Variants in MTHFD2L observed in about 807,000 individuals in gnomAD.
MTHFD2L encodes methylenetetrahydrofolate dehydrogenase (NADP+ dependent) 2 like, also known as bifunctional methylenetetrahydrofolate dehydrogenase/cyclohydrolase 2, mitochondrial.
In MTHFD2L, 29 loss-of-function variants were observed where a neutral mutation model predicts 34.9. That is an observed-to-expected ratio of 0.83 (90% CI 0.62 to 1.13). The LOEUF is 1.13. Ranked by LOEUF, MTHFD2L falls within the 50% of genes most tolerant of loss-of-function variation. The pLI, the probability that MTHFD2L is intolerant of heterozygous loss-of-function variation, is 0.00. For synonymous variants in MTHFD2L, 167 were observed against 155.7 expected, an observed-to-expected ratio of 1.07 and a Z score of -0.54; for missense variants, 481 against 446.5, an observed-to-expected ratio of 1.08 and a Z score of -0.70.
intron 3 of MTHFD2L, among the ~76,000 whole-genome samples, chr4:74,186,634 A>G (rs185622624): frequency 6.6e-6 from 1 of 152,154 alleles, no homozygotes; most frequent in Non-Finnish European, 1.5e-5. Context: ...AGATGGGGAA[A>G]ACCTATATAT....
At chr4:74,167,814 G>A (rs939353449) in intron 1 of MTHFD2L, among the ~76,000 whole-genome samples, 2 of 152,224 alleles carry the variant, frequency 1.3e-5, no homozygotes, top group African/African-American at 4.8e-5. Context: ...AGCTCATGCA[G>A]AAGTGTGTAA....
At chr4:74,247,698 G>T (rs1429601941) in intron 6 of MTHFD2L, among the ~76,000 whole-genome samples, 3 of 152,176 alleles carry the variant, frequency 2.0e-5, no homozygotes, top group African/African-American at 4.8e-5. Context: ...AAGGGATGTT[G>T]AATTTTGTCA....
chr4:74,141,808 A>G (rs1723287760), intron 1 of MTHFD2L, among the ~76,000 whole-genome samples: 1 of 152,202 alleles, frequency 6.6e-6, no homozygotes, highest in Non-Finnish European at 1.5e-5. Flanking sequence ...TGCCCCTAAA[A>G]AGAACTTGGA....
intron 6 of MTHFD2L, among the ~76,000 whole-genome samples, chr4:74,261,505 C>T (rs776812251): frequency 7.9e-5 from 12 of 151,852 alleles, no homozygotes; most frequent in Non-Finnish European, 1.6e-4. Flanking sequence ...CATGTTTTTG[C>T]GTGGGAGAAT....
In MTHFD2L at chr4:74,167,351, G is replaced by A. The variant is rs1024937689; in HGVS notation, c.144-7155G>A. ...GGAATAGGCGCCTACTTCTTCAAGCGATAGACAGCAATGAAAGGCCACAGG... is the reference window on the plus strand; with the variant it reads ...GGAATAGGCGCCTACTTCTTCAAGCAATAGACAGCAATGAAAGGCCACAGG... On this transcript the variant is annotated intron_variant, in intron 1 of 7. Transcript: ENST00000325278. Among the ~76,000 whole-genome samples the A allele has an allele frequency of 1.3e-4, 20 of 152,312 alleles. No individual in the cohort carries two copies. The East Asian group carries it at 1.3e-3, about 10-fold the overall frequency.
At chr4:74,156,004 T>G (rs887956337), upstream of MTHFD2L, among the ~76,000 whole-genome samples, 1 of 151,654 alleles carries the variant, frequency 6.6e-6, no homozygotes, top group African/African-American at 2.4e-5. Flanking sequence ...TATCTTATTT[T>G]TCTATGCAAG....
intron 3 of MTHFD2L, among the ~76,000 whole-genome samples, chr4:74,184,945 C>T (rs895952967): frequency 1.1e-4 from 16 of 151,578 alleles, no homozygotes; most frequent in Admixed American, 7.2e-4. Flanking sequence ...ATTAGTAGAT[C>T]GAGACCGTCC....
intron 1 of MTHFD2L, among the ~76,000 whole-genome samples, chr4:74,142,119 G>A (rs1396354947): frequency 1.3e-5 from 2 of 152,178 alleles, no homozygotes; most frequent in East Asian, 3.8e-4. Context: ...GCTGAACTGG[G>A]TGAGGAAGTG....
rs966928293 is a variant in MTHFD2L, at chr4:74,168,688, G to C, written c.144-5818G>C. Reference sequence around the variant, plus strand: ...TATTTGTTAAGTGAATAAACAATGAGCATGTGGTGGGGAGTTTTAACCAGG... The same window carrying C: ...TATTTGTTAAGTGAATAAACAATGACCATGTGGTGGGGAGTTTTAACCAGG... On this transcript the variant is annotated intron_variant, in intron 1 of 7. Coordinates refer to ENST00000325278, the MANE Select transcript of MTHFD2L (RefSeq NM_001144978.3). Among the ~76,000 whole-genome samples the C allele has an allele frequency of 2.0e-5, 3 of 152,144 alleles. 1 individual carries two copies. Among genetic ancestry groups the C allele is most frequent in the Admixed American group, 2.0e-4 (3 of 15,272 alleles).
intron 6 of MTHFD2L, among the ~76,000 whole-genome samples, chr4:74,261,568 A>T (rs148267127): frequency 6.6e-6 from 1 of 152,092 alleles, no homozygotes; most frequent in African/African-American, 2.4e-5. Context: ...ATTCCATACC[A>T]TCCAAAGGCT....
At chr4:74,171,235 T>A (rs183309371) in intron 1 of MTHFD2L, among the ~76,000 whole-genome samples, 6 of 152,268 alleles carry the variant, frequency 3.9e-5, no homozygotes, top group African/African-American at 1.4e-4. Flanking sequence ...CAAATAAGCA[T>A]ATGAAAAGAT....
At chr4:74,218,500 G>A (rs1737583222) in intron 5 of MTHFD2L, among the ~76,000 whole-genome samples, 1 of 152,004 alleles carries the variant, frequency 6.6e-6, no homozygotes, top group African/African-American at 2.4e-5. Flanking sequence ...GACACAACCA[G>A]AGAATCCTGT....
chr4:74,155,983 A>G (rs1453243341), upstream of MTHFD2L, among the ~76,000 whole-genome samples: 3 of 152,128 alleles, frequency 2.0e-5, no homozygotes, highest in East Asian at 5.8e-4. Flanking sequence ...GAACATACAA[A>G]CAAAATTTAA....
chr4:74,137,723 G>A (rs1356274828), intron 1 of MTHFD2L, among the ~76,000 whole-genome samples: 1 of 152,070 alleles, frequency 6.6e-6, no homozygotes, highest in Non-Finnish European at 1.5e-5. Context: ...CATAAATGGA[G>A]GAATGGATAA....
At chr4:74,159,316 T>C (rs149782885) in intron 1 of MTHFD2L, among the ~76,000 whole-genome samples, 316 of 152,300 alleles carry the variant, frequency 2.1e-3, no homozygotes, top group South Asian at 3.9e-3. Flanking sequence ...TAAGCTGTAG[T>C]AGGTTGGGTA....
chr4:74,279,831 G>A (rs1456882076), intron 6 of MTHFD2L, among the ~76,000 whole-genome samples: 8 of 151,976 alleles, frequency 5.3e-5, no homozygotes, highest in Non-Finnish European at 8.8e-5. Context: ...GGAAAGCAAG[G>A]GAAAAATATA....
chr4:74,120,313 T>G (rs1721731593), upstream of MTHFD2L, among the ~76,000 whole-genome samples: 1 of 152,240 alleles, frequency 6.6e-6, no homozygotes, highest in African/African-American at 2.4e-5. Flanking sequence ...TTCAGGTTGA[T>G]GAGTCTACCA....
intron 6 of MTHFD2L, among the ~76,000 whole-genome samples, chr4:74,261,171 A>G (rs1744641737): frequency 6.6e-6 from 1 of 152,072 alleles, no homozygotes; most frequent in South Asian, 2.1e-4. Context: ...GTTAGGAGAC[A>G]AAGACTTCTA....
chr4:74,219,201 C>G (rs1737728231), intron 5 of MTHFD2L, among the ~76,000 whole-genome samples: 1 of 152,096 alleles, frequency 6.6e-6, no homozygotes, highest in Non-Finnish European at 1.5e-5. Flanking sequence ...GAACCAGTCC[C>G]TCCCAGATAC....
Sources: allele counts gnomAD v4.1 joint callset (sites outside exome capture counted in the v4.1 genomes callset), GRCh38; gene constraint gnomAD v4.1.1; transcripts MANE v1.5; gene names NCBI Gene and HGNC (gene_info 2026-07-23, HGNC 2026-07-21).